ATG16L2: variants seen among roughly 807,000 people sequenced by gnomAD.
ATG16L2 encodes the protein protein Atg16l2.
ATG16L2 carries 77 observed loss-of-function variants against 84.7 expected under a neutral mutation model. That is an observed-to-expected ratio of 0.91 (90% confidence interval 0.76 to 1.10). ATG16L2 has a LOEUF of 1.10. ATG16L2 is among the 50% of genes least tolerant of loss of function. The probability of loss-of-function intolerance (pLI) is 0.00; values close to 1 mark genes in which losing one functional copy is unlikely to be tolerated. For synonymous variants in ATG16L2, 361 were observed against 342.8 expected, an observed-to-expected ratio of 1.05 and a Z score of -0.59; for missense variants, 782 against 817.6, an observed-to-expected ratio of 0.96 and a Z score of 0.53.
At chr11:72,834,240 A>G (rs538655412), downstream of ATG16L2, among the ~76,000 whole-genome samples, 2 of 152,346 alleles carry the variant, frequency 1.3e-5, no homozygotes, top group Admixed American at 6.5e-5. Flanking sequence ...AAATGCGAAG[A>G]TTCAGAGCAG....
intron 4 of ATG16L2, 35 bp downstream of exon 4, chr11:72,821,776 C>T: frequency 6.6e-7 from 1 of 1,524,250 alleles, no homozygotes; most frequent in South Asian, 1.2e-5. Flanking sequence ...GGACCGCGCC[C>T]ACCTCAGGGA....
At position 72,822,073 on chromosome 11, in the gene ATG16L2, A is replaced by C. The variant is rs1860027745; in HGVS notation, c.422A>C (p.Gln141Pro). The C allele has an allele frequency of 1.3e-6, 2 of 1,537,540 alleles. No individual in the cohort carries two copies. Among genetic ancestry groups the C allele is most frequent in the Admixed American group, 4.1e-5 (2 of 48,502 alleles). The change falls in exon 5 of 18, where the codon CAG becomes CCG. Residue 141 changes from glutamine (Q) to proline (P), a missense_variant. Coordinates refer to ENST00000321297, the MANE Select transcript of ATG16L2 (RefSeq NM_033388.2). This position sits in a 1 kb window ranked among gnomAD's most constrained non-coding sequence, Gnocchi z 4.2. ...GCAGCCCTGGAGGCCCGCGTGGCGC[A>C]GCTGCGAGAGGCGCGGGCGCAGCAG... ...RLAALEARVAQLREARAQQAQ... is the reference protein window; with the variant it reads ...RLAALEARVAPLREARAQQAQ...
At chr11:72,828,046 CCCTT>C (rs1317235179) in intron 14 of ATG16L2, among the ~76,000 whole-genome samples, 2 of 152,232 alleles carry the variant, frequency 1.3e-5, no homozygotes, top group African/African-American at 4.8e-5. Flanking sequence ...CTGTTTGCAA[CCCTT>C]CCTTCTCTCT....
chr11:72,827,857 C>T (rs1860451693), intron 14 of ATG16L2, among the ~76,000 whole-genome samples: 2 of 152,296 alleles, frequency 1.3e-5, no homozygotes, highest in African/African-American at 4.8e-5. Flanking sequence ...GGCTTGAACC[C>T]GGGAGGCAGA....
At position 72,817,837 on chromosome 11, in the gene ATG16L2, C is replaced by T; in HGVS notation, c.300C>T (p.Leu100=). The change falls in exon 3 of 18, where the codon CTC becomes CTT. Residue 100 remains leucine (L), a synonymous_variant. Transcript: ENST00000321297. ...RVKWQEEEEG[L]RLVCGEMAYQ... ...AGTGGCAGGAGGAGGAGGAGGGGCT[C>T]CGGCTGGTCTGTGGTGAGGTAAGTT... 6.2e-7 allele frequency: 1 copy of T among 1,611,540 alleles called. No homozygotes were observed. The highest frequency in any genetic ancestry group is 8.5e-7 in the Non-Finnish European group (1 of 1,179,928).
chr11:72,834,330 A>T (rs1860670460), downstream of ATG16L2, among the ~76,000 whole-genome samples: 1 of 152,214 alleles, frequency 6.6e-6, no homozygotes, highest in Non-Finnish European at 1.5e-5. Flanking sequence ...TGGGTTCTTC[A>T]GGCAGTGAGT....
In ATG16L2 at chr11:72,819,838, C is replaced by T. The variant is rs538437761; in HGVS notation, c.319-1830C>T. Reference sequence around the variant, plus strand: ...TCGGCTCGCTGCAACCTCAGCCTCCCGGGTTCACGCCATTCTCCTGCCTCA... The same window carrying T: ...TCGGCTCGCTGCAACCTCAGCCTCCTGGGTTCACGCCATTCTCCTGCCTCA... On this transcript the variant is annotated intron_variant, in intron 3 of 17. Coordinates refer to ENST00000321297, the MANE Select transcript of ATG16L2 (RefSeq NM_033388.2). Among the ~76,000 whole-genome samples, 5 of 152,202 alleles carry T rather than the reference C, an allele frequency of 3.3e-5. No homozygotes were observed. The East Asian group carries it at 7.7e-4, about 23-fold the overall frequency.
In ATG16L2 at chr11:72,826,769, G is replaced by C; in HGVS notation, c.1312G>C (p.Val438Leu). 1 of 1,614,116 alleles carries C rather than the reference G, an allele frequency of 6.2e-7. No homozygotes were observed. Among genetic ancestry groups the C allele is most frequent in the East Asian group, 2.2e-5 (1 of 44,884 alleles). Reference sequence around the variant, plus strand: ...ATTCAAGCTAACGAGGCACCAGGCAGTGACTGGGAGCCGCGACCGGACAGT... The same window carrying C: ...ATTCAAGCTAACGAGGCACCAGGCACTGACTGGGAGCCGCGACCGGACAGT... The part of the protein sequence containing the change: ...AKFKLTRHQA[V>L]TGSRDRTVKE... The change falls in exon 13 of 18, where the codon GTG becomes CTG. Residue 438 changes from valine (V) to leucine (L), a missense_variant. By Grantham distance (32) the Val-to-Leu change is conservative (BLOSUM62 1). Coordinates refer to ENST00000321297, the MANE Select transcript of ATG16L2 (RefSeq NM_033388.2).
chr11:72,824,275 A>G, intron 8 of ATG16L2, 153 bp downstream of exon 8: 1 of 884,776 alleles, frequency 1.1e-6, no homozygotes, highest in Non-Finnish European at 1.8e-6. Context: ...AGCCAGGTGA[A>G]TGGCCTCAGC....
downstream of ATG16L2, among the ~76,000 whole-genome samples, chr11:72,830,101 CCT>C (rs1419039129): frequency 1.3e-5 from 2 of 152,156 alleles, no homozygotes; most frequent in African/African-American, 4.8e-5. Flanking sequence ...CAGAGCAAGG[CCT>C]CTGTGTGTCT....
chr11:72,821,849 C>A, intron 4 of ATG16L2, 108 bp downstream of exon 4: 1 of 1,440,522 alleles, frequency 6.9e-7, no homozygotes, highest in Non-Finnish European at 9.2e-7. Flanking sequence ...TTCCCTACGT[C>A]CCCCCGACCC....
downstream of ATG16L2, among the ~76,000 whole-genome samples, chr11:72,833,932 AT>A (rs34732465): frequency 0.025 from 3,631 of 146,838 alleles, 141 homozygotes; most frequent in African/African-American, 0.086. Context: ...AAAAAAAAAA[AT>A]TTTTTTTTTT....
At chr11:72,842,841 A>G in exon 6 of ATG16L2, 12 of 1,611,936 alleles carry the variant, frequency 7.4e-6, no homozygotes, top group Non-Finnish European at 1.0e-5. Flanking sequence ...CACAAAACAT[A>G]CTAGGGAGCA....
intron 3 of ATG16L2, 82 bp downstream of exon 3, chr11:72,817,937 C>T (rs781671946): frequency 7.4e-6 from 9 of 1,217,818 alleles, no homozygotes; most frequent in Admixed American, 2.1e-5. Flanking sequence ...CCTGTGTTTG[C>T]TGAATTCTCC....
intron 5 of ATG16L2, among the ~76,000 whole-genome samples, chr11:72,835,485 T>G (rs1860707413): frequency 6.6e-6 from 1 of 151,986 alleles, no homozygotes. Context: ...GTGGCACACT[T>G]TATATGGCCT....
At chr11:72,831,545 C>G (rs575807193), downstream of ATG16L2, among the ~76,000 whole-genome samples, 9 of 152,324 alleles carry the variant, frequency 5.9e-5, no homozygotes, top group African/African-American at 2.2e-4. Flanking sequence ...CTCAGCCAGT[C>G]TAACGGTCTA....
downstream of ATG16L2, among the ~76,000 whole-genome samples, chr11:72,832,263 C>T (rs1019269057): frequency 2.6e-5 from 4 of 152,198 alleles, no homozygotes; most frequent in African/African-American, 7.2e-5. Flanking sequence ...CCCCCAAAAC[C>T]TTCCCTTCTA....
chr11:72,832,855 TG>T (rs1445111719), downstream of ATG16L2, among the ~76,000 whole-genome samples: 1 of 152,256 alleles, frequency 6.6e-6, no homozygotes, highest in African/African-American at 2.4e-5. Context: ...TCTCCAGTTC[TG>T]TCTTCCTGGG....
chr11:72,827,710 G>C (rs371236698), intron 14 of ATG16L2, among the ~76,000 whole-genome samples: 4 of 152,158 alleles, frequency 2.6e-5, no homozygotes, highest in Admixed American at 6.5e-5. Context: ...AGGCCGAGGC[G>C]GGCAGATCAC....
Sources: gnomAD v4.1 joint callset for allele counts (sites outside exome capture counted in the v4.1 genomes callset) on GRCh38, gnomAD v4.1.1 for gene constraint, Gnocchi (gnomAD v3.1) non-coding constraint, MANE v1.5 for transcripts, NCBI Gene and HGNC (gene_info 2026-07-23, HGNC 2026-07-21) for gene names.